Variants in CDH11 observed in about 807,000 individuals in gnomAD.
CDH11 encodes the protein cadherin-11.
In CDH11, 11 loss-of-function variants were observed where a neutral mutation model predicts 67.8. The observed-to-expected ratio is 0.16, with a 90% CI of 0.10 to 0.27. The LOEUF is 0.27. Among genes scored for constraint, CDH11 ranks in the 10% least tolerant of loss-of-function variants. The pLI, the probability that CDH11 is intolerant of heterozygous loss-of-function variation, is 1.00. For synonymous variants in CDH11, 419 were observed against 400.0 expected (o/e 1.05, Z -0.57); for missense variants, 847 against 1,031.2 (o/e 0.82, Z 2.45).
At chr16:65,103,609 T>A (rs1255105888) in intron 1 of CDH11, among the ~76,000 whole-genome samples, 2 of 152,206 alleles carry the variant, frequency 1.3e-5, no homozygotes, top group Non-Finnish European at 2.9e-5. Flanking sequence ...CATGACAATA[T>A]GCCCAACAGT....
chr16:65,046,508 T>C (rs150013777), intron 2 of CDH11, among the ~76,000 whole-genome samples: 3 of 152,370 alleles, frequency 2.0e-5, no homozygotes, highest in East Asian at 1.9e-4. Flanking sequence ...GAACACATTA[T>C]TGATTTCGAG....
At chr16:65,012,475 T>C (rs2073203569) in intron 2 of CDH11, among the ~76,000 whole-genome samples, 1 of 152,200 alleles carries the variant, frequency 6.6e-6, no homozygotes, top group African/African-American at 2.4e-5. Flanking sequence ...ACTTGAGAAA[T>C]GGAGTAGCTA....
chr16:65,070,604 A>C (rs1190069864), intron 1 of CDH11, among the ~76,000 whole-genome samples: 1 of 152,214 alleles, frequency 6.6e-6, no homozygotes, highest in African/African-American at 2.4e-5. Context: ...AATTTTACCC[A>C]AATTAATGTG....
chr16:65,018,246 C>A (rs2073350815), intron 2 of CDH11, among the ~76,000 whole-genome samples: 1 of 152,146 alleles, frequency 6.6e-6, no homozygotes, highest in African/African-American at 2.4e-5. Flanking sequence ...GAACCCTGTG[C>A]AGGGACTCCA....
chr16:65,053,569 A>G (rs2074093616), intron 2 of CDH11, among the ~76,000 whole-genome samples: 1 of 152,186 alleles, frequency 6.6e-6, no homozygotes, highest in African/African-American at 2.4e-5. Flanking sequence ...TCCAGATCTT[A>G]CTATTACTAG....
chr16:65,033,841 G>A (rs1313279566), intron 2 of CDH11, among the ~76,000 whole-genome samples: 1 of 152,116 alleles, frequency 6.6e-6, no homozygotes, highest in Non-Finnish European at 1.5e-5. Context: ...CATGAAGATG[G>A]GGATCATAGG....
chr16:65,109,972 C>T (rs1317827371), intron 1 of CDH11, among the ~76,000 whole-genome samples: 1 of 152,172 alleles, frequency 6.6e-6, no homozygotes, highest in African/African-American at 2.4e-5. Flanking sequence ...GCCTCGACCT[C>T]TCCGGCTCAA....
rs1048245844 is a variant in CDH11 at position 65,055,081 on chromosome 16, A to T, written c.-297-1153T>A. ...TATCCAAATGTCAGGACAGAGTAAC[A>T]CTGGAGTTATTCCTGGAGATACAGG... On this transcript the variant is annotated intron_variant, in intron 1 of 12. Coordinates refer to ENST00000268603, the MANE Select transcript of CDH11 (RefSeq NM_001797.4). Among the ~76,000 whole-genome samples the T allele has an allele frequency of 8.5e-5, 13 of 152,208 alleles. No homozygotes were observed. In the East Asian group the frequency reaches 1.9e-3, roughly 23 times the overall value.
chr16:65,007,533 G>A (rs886589548), intron 2 of CDH11, among the ~76,000 whole-genome samples: 1 of 152,174 alleles, frequency 6.6e-6, no homozygotes, highest in African/African-American at 2.4e-5. Flanking sequence ...GGCCCCAGAG[G>A]ACGGGTTAGA....
intron 2 of CDH11, among the ~76,000 whole-genome samples, chr16:65,048,041 C>T (rs1214028744): frequency 6.6e-6 from 1 of 152,188 alleles, no homozygotes; most frequent in Admixed American, 6.5e-5. Flanking sequence ...CAGTACGGTT[C>T]CATTGTTGTA....
chr16:65,029,205 T>C (rs933374842), intron 2 of CDH11, among the ~76,000 whole-genome samples: 3 of 152,128 alleles, frequency 2.0e-5, no homozygotes, highest in Non-Finnish European at 2.9e-5. Flanking sequence ...AAAAGTACTA[T>C]TACCATAAAG....
In CDH11 at chr16:64,947,483, TA is replaced by T; in HGVS notation, c.*119del. The T allele has an allele frequency of 6.7e-7, 1 of 1,502,730 alleles. No individual in the cohort carries two copies. Among genetic ancestry groups the T allele is most frequent in the South Asian group, 1.4e-5 (1 of 71,782 alleles). The allele number at this position is 1,502,730 out of a possible 1,614,324, so 93.1% of individuals were successfully genotyped here. A position where few individuals can be genotyped will look rare whatever the true frequency, so the allele number is the denominator to read the frequency against. ...AGTTTTATTAAATGTATCCTCTCTG[TA>T]AAACTTTGCCTGTTTTAAATGAGCC... On this transcript the variant is annotated 3_prime_UTR_variant, in exon 13 of 13. Transcript: ENST00000268603.
intron 11 of CDH11, among the ~76,000 whole-genome samples, chr16:64,967,581 T>C (rs2071875726): frequency 6.6e-6 from 1 of 152,174 alleles, no homozygotes; most frequent in Non-Finnish European, 1.5e-5. Flanking sequence ...TATATCCTCA[T>C]AGTTGAAGGT....
chr16:65,043,876 G>A (rs1376933591), intron 2 of CDH11, among the ~76,000 whole-genome samples: 3 of 152,038 alleles, frequency 2.0e-5, no homozygotes, highest in Admixed American at 1.3e-4. Context: ...CACATATTAC[G>A]TGTGACTCTG....
chr16:64,993,132 C>A, intron 4 of CDH11, 98 bp from the exon 5 acceptor site: 1 of 985,542 alleles, frequency 1.0e-6, no homozygotes, highest in Non-Finnish European at 1.6e-6. Flanking sequence ...CTGAAGAAGG[C>A]ACCACAATTA....
intron 2 of CDH11, among the ~76,000 whole-genome samples, chr16:65,040,635 A>G (rs903704423): frequency 1.3e-5 from 2 of 152,182 alleles, no homozygotes; most frequent in African/African-American, 4.8e-5. Flanking sequence ...GCAGCACACC[A>G]ACATGGCACA....
intron 1 of CDH11, among the ~76,000 whole-genome samples, chr16:65,088,499 TACC>T (rs1223005922): frequency 6.6e-6 from 1 of 152,208 alleles, no homozygotes; most frequent in African/African-American, 2.4e-5. Flanking sequence ...ATAAATACTA[TACC>T]ACAAGTAATT....
At chr16:64,949,927 C>T (rs1045756897) in intron 12 of CDH11, among the ~76,000 whole-genome samples, 5 of 152,166 alleles carry the variant, frequency 3.3e-5, no homozygotes, top group African/African-American at 1.2e-4. Flanking sequence ...TAACTATTTG[C>T]TGAATTGAAT....
Position 64,945,733 on chromosome 16 carries a change from A to C in CDH11, c.*1870T>G. On this transcript the variant is annotated 3_prime_UTR_variant, in exon 13 of 13. Coordinates refer to ENST00000268603, the MANE Select transcript of CDH11 (RefSeq NM_001797.4). ...TTGATTTCAATGCAAAGTAAAATGGAAGTGAGCACTTCATAAAAAACATTT... is the reference window on the plus strand; with the variant it reads ...TTGATTTCAATGCAAAGTAAAATGGCAGTGAGCACTTCATAAAAAACATTT... 7.7e-6 allele frequency: 8 copies of C among 1,043,140 alleles called. No homozygotes were observed. The highest frequency in any genetic ancestry group is 9.2e-6 in the Non-Finnish European group (8 of 865,246). The allele number at this position is 1,043,140 out of a possible 1,614,324, so 64.6% of individuals were successfully genotyped here.
Sources: gnomAD v4.1 joint callset for allele counts (sites outside exome capture counted in the v4.1 genomes callset) on GRCh38, gnomAD v4.1.1 for gene constraint, MANE v1.5 for transcripts, NCBI Gene and HGNC (gene_info 2026-07-23, HGNC 2026-07-21) for gene names.